The following CLDN10 variants were observed in gnomAD, a reference collection of about 807,000 sequenced individuals.
The protein encoded by CLDN10 is claudin 10.
Under a neutral mutation model 22.9 loss-of-function variants are expected in CLDN10, and 15 were observed. The ratio of observed to expected loss-of-function variants is 0.65; its 90% confidence interval spans 0.44 to 1.01. The LOEUF is 1.01. Among genes scored for constraint, CLDN10 ranks in the 50% least tolerant of loss-of-function variants. CLDN10 has a pLI of 0.00. For missense variants in CLDN10, 247 were observed against 287.8 expected, an observed-to-expected ratio of 0.86 and a Z score of 1.03; for synonymous variants, 114 against 111.4, an observed-to-expected ratio of 1.02 and a Z score of -0.15.
At chr13:95,441,930 C>T (rs114749827) in intron 1 of CLDN10, among the ~76,000 whole-genome samples, 130 of 152,252 alleles carry the variant, frequency 8.5e-4, no homozygotes, top group African/African-American at 3.0e-3. Flanking sequence ...CCAGGTGGAT[C>T]GCTTGAGCGC....
intron 1 of CLDN10, among the ~76,000 whole-genome samples, chr13:95,446,144 C>T (rs145966515): frequency 1.4e-4 from 21 of 152,256 alleles, no homozygotes; most frequent in African/African-American, 5.1e-4. Context: ...CAGAGTTGCT[C>T]CGCAATGGGA....
At chr13:95,512,607 A>G (rs2043116626) in intron 1 of CLDN10, among the ~76,000 whole-genome samples, 1 of 152,182 alleles carries the variant, frequency 6.6e-6, no homozygotes, top group East Asian at 1.9e-4. Flanking sequence ...GGAATTTCCC[A>G]GGGGCCCAGA....
intron 1 of CLDN10, among the ~76,000 whole-genome samples, chr13:95,529,789 C>G (rs1381616434): frequency 6.6e-6 from 1 of 151,742 alleles, no homozygotes; most frequent in Non-Finnish European, 1.5e-5. Context: ...TTTTTTTTCC[C>G]AAATAATTTA....
intron 1 of CLDN10, chr13:95,533,816 C>T (rs1416891324): frequency 6.6e-6 from 1 of 152,372 alleles, no homozygotes; most frequent in Admixed American, 6.5e-5. Context: ...AGGCCCCAAC[C>T]CTGCTTCTCC....
chr13:95,467,580 A>G (rs1210043978), intron 1 of CLDN10, among the ~76,000 whole-genome samples: 1 of 152,114 alleles, frequency 6.6e-6, no homozygotes, highest in Admixed American at 6.6e-5. Flanking sequence ...TGGCCTATAA[A>G]ATGTCCTATA....
intron 1 of CLDN10, among the ~76,000 whole-genome samples, chr13:95,503,075 G>A (rs2043003024): frequency 6.6e-6 from 1 of 152,208 alleles, no homozygotes; most frequent in African/African-American, 2.4e-5. Flanking sequence ...AATGCTTCCT[G>A]TGTAGGTGAA....
chr13:95,576,105 A>G (rs931286320), intron 3 of CLDN10, among the ~76,000 whole-genome samples: 2 of 152,206 alleles, frequency 1.3e-5, no homozygotes, highest in African/African-American at 4.8e-5. Flanking sequence ...TCAAGTAGGC[A>G]GGGGTGCAGC....
chr13:95,547,491 A>G (rs1444765960), intron 1 of CLDN10, among the ~76,000 whole-genome samples: 2 of 152,250 alleles, frequency 1.3e-5, no homozygotes, highest in African/African-American at 4.8e-5. Flanking sequence ...AATGAGAGGC[A>G]TGAATGAACT....
chr13:95,550,226 A>G (rs565773598), upstream of CLDN10, among the ~76,000 whole-genome samples: 53 of 152,336 alleles, frequency 3.5e-4, no homozygotes, highest in Admixed American at 1.5e-3. Context: ...TTTGAAGTAT[A>G]ATGGGTAGAG....
rs151103949 is a variant in CLDN10, at chr13:95,553,523, TTTG to T, written c.220+559_220+561del. 1.1e-3 allele frequency among the ~76,000 whole-genome samples: 170 copies of T among 152,312 alleles called. 1 individual carries two copies. In the East Asian group the frequency reaches 0.027, roughly 24 times the overall value. ...GGAAGCGGGAAAACATATTGCAGAA[TTTG>T]TTGTTGTTATTGTTTCCCTTTAAAG... On this transcript the variant is annotated intron_variant, in intron 1 of 4. Coordinates refer to ENST00000299339, the MANE Select transcript of CLDN10 (RefSeq NM_006984.5).
At chr13:95,567,105 C>G (rs1222555414) in intron 3 of CLDN10, among the ~76,000 whole-genome samples, 1 of 152,090 alleles carries the variant, frequency 6.6e-6, no homozygotes, top group Non-Finnish European at 1.5e-5. Flanking sequence ...GCTATGTGGG[C>G]TCTCTTTTGG....
chr13:95,496,881 A>C (rs534702048), intron 1 of CLDN10, among the ~76,000 whole-genome samples: 1 of 152,144 alleles, frequency 6.6e-6, no homozygotes, highest in Non-Finnish European at 1.5e-5. Context: ...ACCATCTGCT[A>C]CTGGGTTCTG....
At chr13:95,444,004 T>A (rs989442521) in intron 1 of CLDN10, among the ~76,000 whole-genome samples, 4 of 152,206 alleles carry the variant, frequency 2.6e-5, no homozygotes, top group African/African-American at 9.7e-5. Flanking sequence ...TGCTGTCCCC[T>A]ACTCCTTTAA....
At chr13:95,500,971 C>T (rs2042978463) in intron 1 of CLDN10, among the ~76,000 whole-genome samples, 1 of 151,950 alleles carries the variant, frequency 6.6e-6, no homozygotes, top group Non-Finnish European at 1.5e-5. Context: ...CCATCGAGGG[C>T]AGATCATTTT....
chr13:95,530,652 A>T (rs1012645681), intron 1 of CLDN10, among the ~76,000 whole-genome samples: 2 of 152,202 alleles, frequency 1.3e-5, no homozygotes, highest in Non-Finnish European at 2.9e-5. Context: ...TGCTACATAG[A>T]CACTCAAGGA....
At chr13:95,542,531 T>C (rs2043469502) in intron 1 of CLDN10, among the ~76,000 whole-genome samples, 1 of 152,196 alleles carries the variant, frequency 6.6e-6, no homozygotes, top group Non-Finnish European at 1.5e-5. Context: ...AATTTTAAAA[T>C]GAGAGTTAAA....
chr13:95,467,521 G>GTT (rs1555289387), intron 1 of CLDN10, among the ~76,000 whole-genome samples: 128 of 143,348 alleles, frequency 8.9e-4, no homozygotes, highest in Admixed American at 1.6e-3. Context: ...TCCCTCTATT[G>GTT]TTTTTTTTGG....
chr13:95,571,835 T>C lies in CLDN10; in HGVS notation c.465-5396T>C, dbSNP rs988364469. Among the ~76,000 whole-genome samples the C allele has an allele frequency of 2.0e-5, 3 of 152,172 alleles. No individual in the cohort carries two copies. In the East Asian group the frequency reaches 5.8e-4, roughly 29 times the overall value. On this transcript the variant is annotated intron_variant, in intron 3 of 4. Coordinates refer to ENST00000299339, the MANE Select transcript of CLDN10 (RefSeq NM_006984.5). ...AGTGTACTTTCTGGATTTTAAACTTTGTAAAAAAACCTATGTAGTTATTTT... is the reference window on the plus strand; with the variant it reads ...AGTGTACTTTCTGGATTTTAAACTTCGTAAAAAAACCTATGTAGTTATTTT...
chr13:95,560,600 A>C (rs1275256746), intron 3 of CLDN10, 137 bp downstream of exon 3: 1 of 678,144 alleles, frequency 1.5e-6, no homozygotes, highest in African/African-American at 1.8e-5. Flanking sequence ...GACATCATTC[A>C]AGATTAAATG....
Sources: gnomAD v4.1 joint callset for allele counts (sites outside exome capture counted in the v4.1 genomes callset) on GRCh38, gnomAD v4.1.1 for gene constraint, MANE v1.5 for transcripts, NCBI Gene and HGNC (gene_info 2026-07-23, HGNC 2026-07-21) for gene names.